MIPOL1: variants seen among roughly 807,000 people sequenced by gnomAD.
MIPOL1 encodes mirror-image polydactyly 1.
MIPOL1 carries 57 observed loss-of-function variants against 60.9 expected under a neutral mutation model. The observed-to-expected ratio is 0.94, with a 90% CI of 0.76 to 1.17. The LOEUF is 1.17. MIPOL1 is among the 50% of genes most tolerant of loss of function. The probability of loss-of-function intolerance (pLI) is 0.00; values close to 1 mark genes in which losing one functional copy is unlikely to be tolerated. For missense variants in MIPOL1, 551 were observed against 511.6 expected, an observed-to-expected ratio of 1.08 and a Z score of -0.74; for synonymous variants, 179 against 168.8, an observed-to-expected ratio of 1.06 and a Z score of -0.47.
At chr14:37,234,842 C>T (rs978877846) in intron 1 of MIPOL1, among the ~76,000 whole-genome samples, 1 of 151,524 alleles carries the variant, frequency 6.6e-6, no homozygotes, top group African/African-American at 2.4e-5. Context: ...GCGGCACGAT[C>T]TCGACTCCAT....
In MIPOL1 at chr14:37,266,942, A is replaced by G; in HGVS notation, c.24A>G (p.Ile8Met). 3 of 1,607,256 alleles carry G rather than the reference A, an allele frequency of 1.9e-6. No individual in the cohort carries two copies. Among genetic ancestry groups the G allele is most frequent in the Non-Finnish European group, 2.6e-6 (3 of 1,175,126 alleles). The change falls in exon 4 of 13, where the codon ATA (isoleucine) becomes ATG (methionine). Residue 8 changes from isoleucine (I) to methionine (M), a missense_variant. Coordinates refer to ENST00000684589, the MANE Select transcript of MIPOL1 (RefSeq NM_001388067.1). MENWSKD[I>M]THSYLEQETT... ...TATTTGTTTGTTTAAATACAGACAT[A>G]ACCCACAGTTATCTTGAACAAGAAA... is the stretch of plus-strand genomic sequence containing the variant.
intron 7 of MIPOL1, among the ~76,000 whole-genome samples, chr14:37,305,568 A>G (rs1595038924): frequency 6.6e-6 from 1 of 151,618 alleles, no homozygotes; most frequent in Non-Finnish European, 1.5e-5. Flanking sequence ...CCTACTCTAT[A>G]TAATCTACTT....
chr14:37,304,340 G>T (rs1189519773), intron 7 of MIPOL1, among the ~76,000 whole-genome samples: 2 of 150,012 alleles, frequency 1.3e-5, no homozygotes, highest in African/African-American at 2.4e-5. Flanking sequence ...CTCTTTTTTG[G>T]CTTTTATCAA....
intron 11 of MIPOL1, among the ~76,000 whole-genome samples, chr14:37,484,635 C>T (rs918868490): frequency 2.0e-5 from 3 of 151,994 alleles, no homozygotes; most frequent in Non-Finnish European, 2.9e-5. Flanking sequence ...CACACCCAGC[C>T]GTTAGATCTT....
intron 12 of MIPOL1, among the ~76,000 whole-genome samples, chr14:37,517,721 G>A: frequency 6.6e-6 from 1 of 152,130 alleles, no homozygotes; most frequent in East Asian, 1.9e-4. Flanking sequence ...TCTATAAACT[G>A]ATATTGAGTG....
At chr14:37,469,194 A>G (rs550600883) in intron 11 of MIPOL1, among the ~76,000 whole-genome samples, 1 of 152,302 alleles carries the variant, frequency 6.6e-6, no homozygotes, top group South Asian at 2.1e-4. Flanking sequence ...TAATTGACTC[A>G]CAGTTCTGCA....
At chr14:37,351,080 C>T (rs1286336309) in intron 9 of MIPOL1, among the ~76,000 whole-genome samples, 43 of 138,148 alleles carry the variant, frequency 3.1e-4, no homozygotes, top group African/African-American at 1.1e-3. Flanking sequence ...CACAACGGTC[C>T]CCAGAGTGTG....
chr14:37,432,010 A>G (rs1435930261), intron 11 of MIPOL1, among the ~76,000 whole-genome samples: 2 of 152,142 alleles, frequency 1.3e-5, no homozygotes, highest in Non-Finnish European at 2.9e-5. Flanking sequence ...TGAATTGACT[A>G]TTTTGTGCAC....
At chr14:37,543,945 G>A (rs1191262795) in intron 12 of MIPOL1, among the ~76,000 whole-genome samples, 3 of 152,224 alleles carry the variant, frequency 2.0e-5, no homozygotes, top group Non-Finnish European at 1.5e-5. Flanking sequence ...GGTTGAGTGA[G>A]TGAATGGATG....
intron 10 of MIPOL1, among the ~76,000 whole-genome samples, chr14:37,375,826 G>T (rs2092761346): frequency 6.6e-6 from 1 of 151,652 alleles, no homozygotes; most frequent in Admixed American, 6.6e-5. Flanking sequence ...GGCTCAAGCA[G>T]TTCTCCTGCC....
intron 10 of MIPOL1, among the ~76,000 whole-genome samples, chr14:37,384,514 G>GT (rs2093013687): frequency 1.3e-5 from 2 of 151,560 alleles, no homozygotes; most frequent in Non-Finnish European, 2.9e-5. Flanking sequence ...GAAACTACCA[G>GT]TTTTTTAAAA....
intron 1 of MIPOL1, among the ~76,000 whole-genome samples, chr14:37,224,678 G>C (rs1241124518): frequency 6.6e-6 from 1 of 151,962 alleles, no homozygotes; most frequent in Non-Finnish European, 1.5e-5. Context: ...ATGACATTTG[G>C]GTGGGGACAC....
intron 10 of MIPOL1, among the ~76,000 whole-genome samples, chr14:37,414,990 C>A (rs972733241): frequency 6.6e-6 from 1 of 152,148 alleles, no homozygotes; most frequent in Non-Finnish European, 1.5e-5. Flanking sequence ...ACTTGTGCCA[C>A]CCCTGCCCCC....
At chr14:37,539,363 T>G (rs1026769907) in intron 12 of MIPOL1, among the ~76,000 whole-genome samples, 1 of 152,208 alleles carries the variant, frequency 6.6e-6, no homozygotes. Flanking sequence ...GCCTTGGTTT[T>G]GCTGGCAAAG....
intron 11 of MIPOL1, 22 bp from the exon 12 acceptor site, chr14:37,499,886 A>G: frequency 7.4e-7 from 1 of 1,355,444 alleles, no homozygotes; most frequent in Non-Finnish European, 1.0e-6. Context: ...TTATCTTTAA[A>G]TTTTTTTTAA....
chr14:37,280,903 A>G (rs1255160546), intron 6 of MIPOL1, among the ~76,000 whole-genome samples: 3 of 152,042 alleles, frequency 2.0e-5, no homozygotes, highest in African/African-American at 7.2e-5. Context: ...AGTTCCTTGT[A>G]TATTTTTGGT....
intron 9 of MIPOL1, among the ~76,000 whole-genome samples, chr14:37,342,635 A>G (rs1398757832): frequency 2.0e-5 from 3 of 151,864 alleles, no homozygotes; most frequent in Non-Finnish European, 4.4e-5. Flanking sequence ...TGACCTGGTG[A>G]TCCACCCTCC....
chr14:37,242,417 C>A (rs1384494313), intron 1 of MIPOL1, among the ~76,000 whole-genome samples: 1 of 151,944 alleles, frequency 6.6e-6, no homozygotes, highest in African/African-American at 2.4e-5. Context: ...ATTGTTTTGA[C>A]CGAGGATATA....
At chr14:37,340,754 T>A (rs1488049667) in intron 9 of MIPOL1, among the ~76,000 whole-genome samples, 2 of 152,120 alleles carry the variant, frequency 1.3e-5, no homozygotes, top group Non-Finnish European at 2.9e-5. Flanking sequence ...AGAAACATAT[T>A]TTTTATAAAT....
Sources: gnomAD v4.1 joint callset for allele counts (sites outside exome capture counted in the v4.1 genomes callset) on GRCh38, gnomAD v4.1.1 for gene constraint, MANE v1.5 for transcripts, NCBI Gene and HGNC (gene_info 2026-07-23, HGNC 2026-07-21) for gene names.